Variants in SYNC observed in about 807,000 individuals in gnomAD.
The protein encoded by SYNC is syncoilin, intermediate filament protein.
SYNC carries 38 observed loss-of-function variants against 49.5 expected under a neutral mutation model. That is an observed-to-expected ratio of 0.77 (90% CI 0.59 to 1.01). SYNC has a LOEUF of 1.01. Among genes scored for constraint, SYNC ranks in the 50% least tolerant of loss-of-function variants. SYNC has a pLI of 0.00. For missense variants in SYNC, 579 were observed against 580.6 expected (o/e 1.00, Z 0.03); for synonymous variants, 201 against 230.8 (o/e 0.87, Z 1.17).
At chr1:32,683,977 T>A (rs1206914886) in intron 4 of SYNC, 33 bp downstream of exon 4, 1 of 1,602,326 alleles carries the variant, frequency 6.2e-7, no homozygotes, top group Non-Finnish European at 8.5e-7. Context: ...GCAGTAACAA[T>A]GCAAACACCA....
At chr1:32,688,246 C>T (rs985658959) in intron 2 of SYNC, among the ~76,000 whole-genome samples, 1 of 152,124 alleles carries the variant, frequency 6.6e-6, no homozygotes, top group Non-Finnish European at 1.5e-5. Context: ...CTGCCTAACC[C>T]TGGGCAAATC....
In SYNC at chr1:32,695,770, C is replaced by A. The variant is rs570099275; in HGVS notation, c.328G>T (p.Glu110Ter). The change falls in exon 2 of 5, where the codon GAG becomes TAG. Residue 110 changes from glutamate (E) to a stop codon, truncating the protein, a stop_gained. Coordinates refer to ENST00000409190, the MANE Select transcript of SYNC (RefSeq NM_030786.3). LOFTEE classifies it high-confidence loss of function. ...PGNPEETVCV[E>*]ETTEPDRIQF... ...ATCCGATCTGGCTCCGTGGTTTCCT[C>A]CACACACACTGTCTCCTCTGGATTC... 6.4e-7 allele frequency: 1 copy of A among 1,551,704 alleles called. No homozygotes were observed. The highest frequency in any genetic ancestry group is 2.4e-5 in the East Asian group (1 of 40,888).
intron 2 of SYNC, among the ~76,000 whole-genome samples, chr1:32,687,858 A>ATTTTTTTTTTT (rs1553199396): frequency 6.9e-6 from 1 of 144,084 alleles, no homozygotes; most frequent in African/African-American, 2.6e-5. Flanking sequence ...TATTATTATT[A>ATTTTTTTTTTT]TTATTTTTTG....
At position 32,680,163 on chromosome 1, in the gene SYNC, C is replaced by G; in HGVS notation, c.*1687G>C. On this transcript the variant is annotated 3_prime_UTR_variant, in exon 5 of 5. Transcript: ENST00000409190. ...GTCATATAGATTCCTACTCGAAAAT[C>G]TTGACACCTGACTTTCCAGGATGCA... 3.8e-6 allele frequency: 4 copies of G among 1,055,154 alleles called. No homozygotes were observed. Among genetic ancestry groups the G allele is most frequent in the Non-Finnish European group, 4.5e-6 (4 of 893,848 alleles). 65.4% of individuals were successfully genotyped at this position (1,055,154 alleles called of 1,614,324 possible).
At chr1:32,688,505 T>G (rs1036586464) in intron 2 of SYNC, among the ~76,000 whole-genome samples, 1 of 152,216 alleles carries the variant, frequency 6.6e-6, no homozygotes, top group Non-Finnish European at 1.5e-5. Flanking sequence ...ATGCCAAGAC[T>G]GCCACATTTT....
At chr1:32,702,820 G>C, upstream of SYNC, 1 of 500,600 alleles carries the variant, frequency 2.0e-6, no homozygotes, top group Non-Finnish European at 2.6e-6. This position sits in a 1 kb window ranked among gnomAD's most constrained non-coding sequence, Gnocchi z 6.2. Flanking sequence ...CCTGCCGGGG[G>C]AGGAGGGAGC....
At chr1:32,685,670 G>GA (rs1044671823) in intron 2 of SYNC, 4 of 152,292 alleles carry the variant, frequency 2.6e-5, no homozygotes, top group Non-Finnish European at 5.9e-5. Context: ...GTCATCTGAA[G>GA]AGGGAAGCAT....
upstream of SYNC, chr1:32,703,080 G>C (rs1186186729): frequency 6.6e-6 from 1 of 152,192 alleles, no homozygotes; most frequent in African/African-American, 2.4e-5. Context: ...TGCTCAAAGG[G>C]AGCCAGCACC....
rs536673243 is a variant in SYNC at position 32,694,771 on chromosome 1, G to T, written c.1233+94C>A. 207 of 1,276,552 alleles carry T rather than the reference G, an allele frequency of 1.6e-4. 1 individual carries two copies. The highest frequency in any genetic ancestry group is 2.1e-4 in the Non-Finnish European group (196 of 928,148). The allele number at this position is 1,276,552 out of a possible 1,614,324, so 79.1% of individuals were successfully genotyped here. On this transcript the variant is annotated intron_variant, in intron 2 of 4. Transcript: ENST00000409190. ...AAAGAACAAATTTTTCTTCCTACAT[G>T]TGACACTATCTTTCAGCCCCAAAGA... is the stretch of plus-strand genomic sequence containing the variant.
chr1:32,684,481 C>G, intron 2 of SYNC, 99 bp from the exon 3 acceptor site: 2 of 1,544,284 alleles, frequency 1.3e-6, no homozygotes, highest in Non-Finnish European at 1.8e-6. Context: ...ATTGTTTAAT[C>G]TTGATAGCAG....
intron 2 of SYNC, among the ~76,000 whole-genome samples, chr1:32,688,782 C>T (rs1428189696): frequency 2.6e-5 from 4 of 151,820 alleles, no homozygotes; most frequent in East Asian, 3.9e-4. Flanking sequence ...AGGGTTTCAC[C>T]GTGTTAGCCA....
chr1:32,696,793 CTTTT>C (rs900235484), intron 1 of SYNC, among the ~76,000 whole-genome samples: 1 of 149,410 alleles, frequency 6.7e-6, no homozygotes, highest in Non-Finnish European at 1.5e-5. Context: ...TTCCTTATAA[CTTTT>C]TTTTTTCTTT....
At chr1:32,687,861 A>ATTATTATTATTATTTTTTTTT (rs1280120903) in intron 2 of SYNC, among the ~76,000 whole-genome samples, 1 of 146,440 alleles carries the variant, frequency 6.8e-6, no homozygotes, top group African/African-American at 2.5e-5. Context: ...TATTATTATT[A>ATTATTATTATTATTTTTTTTT]TTTTTTGAGA....
Position 32,695,662 on chromosome 1 carries a change from C to T in SYNC, c.436G>A (p.Ala146Thr). ...CTCTCCTCAGGGTTAGATTTCTCCGCCCTTGTGACTGTCTCTCCCTCATAA... is the reference window on the plus strand; with the variant it reads ...CTCTCCTCAGGGTTAGATTTCTCCGTCCTTGTGACTGTCTCTCCCTCATAA... ...VVYEGETVTR[A>T]EKSNPEESLR... The change falls in exon 2 of 5, where the codon GCG becomes ACG. Residue 146 changes from alanine to threonine, a missense_variant. By Grantham distance (58) the Ala-to-Thr change is moderately conservative (BLOSUM62 0). Transcript: ENST00000409190. The T allele has an allele frequency of 6.4e-7, 1 of 1,551,630 alleles. No homozygotes were observed. The highest frequency in any genetic ancestry group is 8.7e-7 in the Non-Finnish European group (1 of 1,147,006).
chr1:32,681,075 C>T lies in SYNC; in HGVS notation c.*775G>A, dbSNP rs1251858449. 6.5e-6 allele frequency: 1 copy of T among 152,926 alleles called. No individual in the cohort carries two copies. The highest frequency in any genetic ancestry group is 6.5e-5 in the Admixed American group (1 of 15,300). 9.5% of individuals were successfully genotyped at this position (152,926 alleles called of 1,614,324 possible). On this transcript the variant is annotated 3_prime_UTR_variant, in exon 5 of 5. Transcript: ENST00000409190. ...GTTAGAAATAATAGGCTTTGAAGGC[C>T]TCTATCACCAGATGCAATAACCAGA...
At chr1:32,683,958 G>T in intron 4 of SYNC, 52 bp downstream of exon 4, 2 of 1,564,702 alleles carry the variant, frequency 1.3e-6, no homozygotes, top group Non-Finnish European at 1.8e-6. Context: ...AATTAGTATT[G>T]TTAGGAAAGC....
chr1:32,682,995 C>T (rs529424667), intron 4 of SYNC: 1 of 151,862 alleles, frequency 6.6e-6, no homozygotes, highest in South Asian at 2.1e-4. Flanking sequence ...AAAGTTAAGT[C>T]TGTTTAGGCC....
At chr1:32,691,994 G>A (rs1221450544) in intron 2 of SYNC, among the ~76,000 whole-genome samples, 1 of 152,098 alleles carries the variant, frequency 6.6e-6, no homozygotes, top group Non-Finnish European at 1.5e-5. Context: ...AGCACTTTGA[G>A]AGGCGAGGCG....
At chr1:32,689,962 G>GCCC (rs1650082542) in intron 2 of SYNC, among the ~76,000 whole-genome samples, 1 of 147,596 alleles carries the variant, frequency 6.8e-6, no homozygotes, top group South Asian at 2.1e-4. Context: ...AAAAAAGTAA[G>GCCC]TTGATGAAAT....
Sources: gnomAD v4.1 joint callset for allele counts (sites outside exome capture counted in the v4.1 genomes callset) on GRCh38, gnomAD v4.1.1 for gene constraint, Gnocchi (gnomAD v3.1) non-coding constraint, MANE v1.5 for transcripts, NCBI Gene and HGNC (gene_info 2026-07-23, HGNC 2026-07-21) for gene names.